PUDP: variants seen among roughly 807,000 people sequenced by gnomAD.
PUDP encodes pseudouridine 5'-phosphatase.
PUDP carries 8 observed loss-of-function variants against 9.4 expected under a neutral mutation model. The observed-to-expected ratio is 0.85, with a 90% CI of 0.50 to 1.53. The LOEUF (loss-of-function observed/expected upper bound fraction) is 1.53. Ranked by LOEUF, PUDP falls within the 40% of genes most tolerant of loss-of-function variation. The pLI, the probability that PUDP is intolerant of heterozygous loss-of-function variation, is 0.00. For synonymous variants in PUDP, 99 were observed against 80.7 expected, an observed-to-expected ratio of 1.23 and a Z score of -1.22; for missense variants, 188 against 189.7, an observed-to-expected ratio of 0.99 and a Z score of 0.05.
chrX:7,038,861 G>A (rs1929885946), intron 1 of PUDP, among the ~76,000 whole-genome samples: 1 of 111,858 alleles, frequency 8.9e-6, no homozygotes, highest in Admixed American at 9.4e-5. Context: ...TCTTTCCTCG[G>A]ATTGTTCCTT....
intron 1 of PUDP, among the ~76,000 whole-genome samples, chrX:6,998,711 CAATT>C (rs1929283572): frequency 8.9e-6 from 1 of 111,970 alleles, no homozygotes; most frequent in Admixed American, 9.4e-5. Flanking sequence ...TGCAAATTCA[CAATT>C]AAGAATAAAA....
rs191158436 is a variant in PUDP, at chrX:6,864,358, G to A, written c.*247+112775C>T. On this transcript the variant is annotated intron_variant and NMD_transcript_variant, in intron 3 of 3. Transcript: ENST00000655425. ...AAAAGGATAAGAAAGGAAGCTTTGA[G>A]TGTAGAAGGTACTTCAATTGTTGGG... Among the ~76,000 whole-genome samples the A allele has an allele frequency of 2.7e-5, 3 of 112,213 alleles. No homozygotes were observed. In the East Asian group the frequency reaches 8.4e-4, roughly 31 times the overall value.
At chrX:6,791,107 G>C (rs1372189627) in intron 3 of PUDP, among the ~76,000 whole-genome samples, 1 of 110,910 alleles carries the variant, frequency 9.0e-6, no homozygotes, top group Admixed American at 9.6e-5. Context: ...TTTAATTCCA[G>C]CACTTTGGGA....
intron 3 of PUDP, among the ~76,000 whole-genome samples, chrX:6,925,160 C>T (rs1476494135): frequency 1.8e-5 from 2 of 112,220 alleles, no homozygotes; most frequent in East Asian, 2.8e-4. Flanking sequence ...ACTAAAAATA[C>T]AAAAATTAGC....
At chrX:7,109,679 AAAC>A (rs1260744468) in intron 1 of PUDP, among the ~76,000 whole-genome samples, 3 of 112,503 alleles carry the variant, frequency 2.7e-5, no homozygotes, top group Non-Finnish European at 5.6e-5. Flanking sequence ...GAAAGGATCT[AAAC>A]AAGTAATTAA....
intron 2 of PUDP, among the ~76,000 whole-genome samples, chrX:7,091,026 G>A (rs1056971827): frequency 1.2e-4 from 13 of 111,982 alleles, no homozygotes; most frequent in Non-Finnish European, 5.6e-5. Flanking sequence ...AGAGTTTTAC[G>A]TTGATATGAG....
At chrX:6,998,629 A>G (rs925164954) in intron 1 of PUDP, among the ~76,000 whole-genome samples, 2 of 112,384 alleles carry the variant, frequency 1.8e-5, no homozygotes, top group Non-Finnish European at 3.8e-5. Context: ...TTTGTACCTC[A>G]CTTTGAGTGA....
At chrX:6,919,427 C>T (rs1927984076) in intron 3 of PUDP, among the ~76,000 whole-genome samples, 1 of 111,246 alleles carries the variant, frequency 9.0e-6, no homozygotes, top group Non-Finnish European at 1.9e-5. Flanking sequence ...ATCATAGTTC[C>T]AAACTCTAAG....
chrX:6,967,034 G>A, intron 3 of PUDP, among the ~76,000 whole-genome samples: 1 of 111,686 alleles, frequency 9.0e-6, no homozygotes, highest in East Asian at 2.8e-4. Flanking sequence ...GACGGGCTGT[G>A]TCTAGGGAGG....
chrX:6,960,781 C>T (rs146826655), intron 3 of PUDP, among the ~76,000 whole-genome samples: 2 of 111,593 alleles, frequency 1.8e-5, no homozygotes, highest in Non-Finnish European at 3.8e-5. Flanking sequence ...CTGCCACCAA[C>T]AGAGTATAGA....
intron 3 of PUDP, among the ~76,000 whole-genome samples, chrX:6,916,249 C>CACACA (rs1440821475): frequency 9.3e-5 from 9 of 96,526 alleles, no homozygotes; most frequent in African/African-American, 1.2e-4. Context: ...CACACACACA[C>CACACA]CCTGGGGAAC....
intron 1 of PUDP, among the ~76,000 whole-genome samples, chrX:6,998,701 T>C (rs1220960642): frequency 8.9e-6 from 1 of 112,345 alleles, no homozygotes; most frequent in Non-Finnish European, 1.9e-5. Flanking sequence ...TTGATATTTA[T>C]GCAAATTCAC....
intron 3 of PUDP, among the ~76,000 whole-genome samples, chrX:6,764,001 T>C (rs772859841): frequency 3.6e-5 from 4 of 112,073 alleles, no homozygotes; most frequent in Non-Finnish European, 7.5e-5. Context: ...TATCATAGCA[T>C]TGGGAGCTAG....
chrX:6,730,277 T>C (rs1924793615), intron 3 of PUDP, among the ~76,000 whole-genome samples: 1 of 112,322 alleles, frequency 8.9e-6, no homozygotes. Context: ...GCTGAGGCCA[T>C]GACTGTCAGG....
chrX:6,878,848 A>G (rs1348425040), intron 3 of PUDP, among the ~76,000 whole-genome samples: 2 of 111,857 alleles, frequency 1.8e-5, no homozygotes, highest in Admixed American at 9.5e-5. Context: ...GTGTGCCTTG[A>G]TGAGCTCCTT....
At chrX:6,834,260 C>A (rs1273334468) in intron 3 of PUDP, among the ~76,000 whole-genome samples, 1 of 111,833 alleles carries the variant, frequency 8.9e-6, no homozygotes, top group African/African-American at 3.3e-5. Flanking sequence ...TACCATACTG[C>A]ATGAAATGTC....
intron 3 of PUDP, among the ~76,000 whole-genome samples, chrX:6,862,045 G>A (rs1927010369): frequency 8.9e-6 from 1 of 111,990 alleles, no homozygotes; most frequent in Non-Finnish European, 1.9e-5. Flanking sequence ...ACTGAGAACG[G>A]TCAAGGGAAT....
intron 3 of PUDP, among the ~76,000 whole-genome samples, chrX:6,740,758 T>C (rs1007338890): frequency 1.8e-5 from 2 of 112,186 alleles, no homozygotes; most frequent in African/African-American, 6.5e-5. Context: ...CTGATAATGA[T>C]ACACCCTCTC....
At chrX:6,916,083 A>C (rs769639059) in intron 3 of PUDP, among the ~76,000 whole-genome samples, 61 of 110,340 alleles carry the variant, frequency 5.5e-4, no homozygotes, top group South Asian at 2.0e-3. Context: ...TCAAGTCACC[A>C]AACTGGTTAT....
Sources: allele counts gnomAD v4.1 joint callset (sites outside exome capture counted in the v4.1 genomes callset), GRCh38; gene constraint gnomAD v4.1.1; transcripts MANE v1.5; gene names NCBI Gene and HGNC (gene_info 2026-07-23, HGNC 2026-07-21).